IGSF23: variants seen among roughly 807,000 people sequenced by gnomAD.
IGSF23 encodes the protein immunoglobulin superfamily member 23, also known as immunoglobulin superfamily, member 23.
Under a neutral mutation model 17.8 loss-of-function variants are expected in IGSF23, and 14 were observed. The observed-to-expected ratio is 0.79, with a 90% confidence interval of 0.52 to 1.23. The LOEUF (loss-of-function observed/expected upper bound fraction) is 1.23, where lower values mean the gene tolerates loss of function less well. Ranked by LOEUF, IGSF23 falls within the 50% of genes most tolerant of loss-of-function variation. The pLI is 0.00. For synonymous variants in IGSF23, 85 were observed against 92.5 expected (o/e 0.92, Z 0.46); for missense variants, 214 against 241.7 (o/e 0.89, Z 0.76).
At chr19:44,624,922 A>C (rs920620642) in intron 2 of IGSF23, among the ~76,000 whole-genome samples, 1 of 143,412 alleles carries the variant, frequency 7.0e-6, no homozygotes, top group African/African-American at 2.5e-5. Flanking sequence ...AAAAAAAAAA[A>C]CTAAAAATTT....
intron 4 of IGSF23, among the ~76,000 whole-genome samples, chr19:44,635,897 A>C (rs1271779100): frequency 6.6e-6 from 1 of 152,204 alleles, no homozygotes; most frequent in African/African-American, 2.4e-5. Flanking sequence ...TTGCAATTTC[A>C]TGGGTCATCC....
At chr19:44,623,361 G>A (rs996196753) in intron 1 of IGSF23, among the ~76,000 whole-genome samples, 6 of 152,228 alleles carry the variant, frequency 3.9e-5, no homozygotes, top group Non-Finnish European at 7.3e-5. Context: ...AGAGGGAGCT[G>A]GGGAATTTAT....
chr19:44,615,071 C>A (rs563824928), intron 1 of IGSF23, among the ~76,000 whole-genome samples: 2 of 150,214 alleles, frequency 1.3e-5, no homozygotes, highest in Admixed American at 1.3e-4. Flanking sequence ...AGGCGGATCA[C>A]GAGGTCAGGA....
chr19:44,635,408 A>G lies in IGSF23; in HGVS notation c.553A>G (p.Arg185Gly), dbSNP rs1434550785. Residue 185 changes from arginine to glycine, a missense_variant, in exon 4 of 5, where the codon AGG becomes GGG. Arg to Gly is a moderately radical substitution (Grantham distance 125). Transcript: ENST00000402988. ...TCTCTCTCTCCACTGCAGGACTGAC[A>G]GGCAGAGAATAGGAATATGCAGCTG... ...FIIIQSLRTD[R>G]QRIGICS The G allele has an allele frequency of 1.3e-6, 2 of 1,547,858 alleles. No individual in the cohort carries two copies. Among genetic ancestry groups the G allele is most frequent in the Admixed American group, 2.0e-5 (1 of 50,952 alleles).
At chr19:44,631,620 G>C (rs1972768801) in intron 3 of IGSF23, among the ~76,000 whole-genome samples, 1 of 152,186 alleles carries the variant, frequency 6.6e-6, no homozygotes, top group Non-Finnish European at 1.5e-5. Flanking sequence ...TCAGAGCTGA[G>C]AGCCTCAAAC....
chr19:44,615,878 G>A (rs1404096125), intron 1 of IGSF23, among the ~76,000 whole-genome samples: 1 of 140,034 alleles, frequency 7.1e-6, no homozygotes, highest in Non-Finnish European at 1.5e-5. Context: ...ATGGAAACAC[G>A]GCATGCTGTG....
intron 1 of IGSF23, among the ~76,000 whole-genome samples, chr19:44,616,652 G>T (rs1305028836): frequency 5.0e-5 from 7 of 139,852 alleles, no homozygotes; most frequent in Admixed American, 7.8e-5. Context: ...AGCCGAGATT[G>T]CACCACTGCA....
rs548830386 is a variant in IGSF23 at position 44,623,965 on chromosome 19, G to A, written c.384G>A (p.Ser128=). The A allele has an allele frequency of 4.1e-4, 631 of 1,548,420 alleles. 1 individual carries two copies. Among genetic ancestry groups the A allele is most frequent in the South Asian group, 6.7e-4 (56 of 83,986 alleles). The change falls in exon 2 of 5, where the codon TCG becomes TCA. Residue 128 remains serine, a synonymous_variant. Transcript: ENST00000402988. Reference sequence around the variant, plus strand: ...TGGTCTCTGAGCCTGTAACCATCTCGCTGCCAAGTGAGTCCCCCATTCCAC... The same window carrying A: ...TGGTCTCTGAGCCTGTAACCATCTCACTGCCAAGTGAGTCCCCCATTCCAC... ...KQLVSEPVTI[S]LPKPIMQPTE...
chr19:44,625,063 T>G (rs1238388086), intron 2 of IGSF23, among the ~76,000 whole-genome samples: 2 of 151,734 alleles, frequency 1.3e-5, no homozygotes, highest in Non-Finnish European at 2.9e-5. Context: ...GATGACTGTC[T>G]CAAAAAAAAA....
At chr19:44,627,006 CAAGAGAGA>C (rs1332487773) in intron 2 of IGSF23, among the ~76,000 whole-genome samples, 2 of 151,040 alleles carry the variant, frequency 1.3e-5, no homozygotes, top group African/African-American at 4.9e-5. Flanking sequence ...GGCCTGGAGG[CAAGAGAGA>C]AAGAAAGGGA....
At position 44,623,949 on chromosome 19, in the gene IGSF23, A is replaced by G; in HGVS notation, c.368A>G (p.Glu123Gly). The change falls in exon 2 of 5, where the codon GAG becomes GGG. Residue 123 changes from glutamate (E) to glycine (G), a missense_variant. Physicochemically the swap from Glu to Gly is moderately conservative, Grantham distance 98. Transcript: ENST00000402988. The stretch of plus-strand genomic sequence containing the variant: ...AACAGCAAGAAACAGCTGGTCTCTG[A>G]GCCTGTAACCATCTCGCTGCCAAGT... ...ATNSKKQLVS[E>G]PVTISLPKPI... The G allele has an allele frequency of 6.4e-7, 1 of 1,550,448 alleles. No individual in the cohort carries two copies. The highest frequency in any genetic ancestry group is 2.4e-5 in the East Asian group (1 of 40,898).
rs1049351374 is a variant in IGSF23 at position 44,635,582 on chromosome 19, A to C, written c.*31+117A>C. 7.0e-6 allele frequency: 5 copies of C among 709,908 alleles called. No individual in the cohort carries two copies. The South Asian group carries it at 9.2e-5, about 13-fold the overall frequency. 44.0% of individuals were successfully genotyped at this position (709,908 alleles called of 1,614,324 possible). On this transcript the variant is annotated intron_variant, in intron 4 of 4. Coordinates refer to ENST00000402988, the MANE Select transcript of IGSF23 (RefSeq NM_001205280.2). ...GGTTCCCTGGTCATTTGTCTGTGAG[A>C]TGTTCCCCTCCTGTGGAGAGCTCCA...
chr19:44,632,299 T>C, intron 3 of IGSF23: 1 of 194,216 alleles, frequency 5.1e-6, no homozygotes, highest in East Asian at 1.8e-4. Flanking sequence ...ATAATTGTTC[T>C]CTGTGTCAGC....
chr19:44,628,759 T>A (rs1481227072), intron 3 of IGSF23, among the ~76,000 whole-genome samples: 1 of 151,846 alleles, frequency 6.6e-6, no homozygotes, highest in East Asian at 1.9e-4. Context: ...GTCAAAAAAG[T>A]AATAATAATA....
rs1599730989 is a variant in IGSF23 at position 44,619,073 on chromosome 19, C to A, written c.126-4634C>A. The stretch of plus-strand genomic sequence containing the variant: ...AGCATCTGCTCAGCTTCTAAGGAGC[C>A]CTCAGGGAGCTTTTAATCATAGCGA... On this transcript the variant is annotated intron_variant, in intron 1 of 4. Transcript: ENST00000402988. 2.0e-5 allele frequency among the ~76,000 whole-genome samples: 3 copies of A among 152,114 alleles called. No individual in the cohort carries two copies. The South Asian group carries it at 6.2e-4, about 32-fold the overall frequency.
chr19:44,623,674 T>C (rs1334904876), intron 1 of IGSF23, 33 bp from the exon 2 acceptor site: 76 of 1,546,726 alleles, frequency 4.9e-5, no homozygotes, highest in Non-Finnish European at 6.4e-5. Flanking sequence ...TGGACTCCAC[T>C]CTTGTGGCCT....
At chr19:44,616,097 A>G (rs1972369227) in intron 1 of IGSF23, among the ~76,000 whole-genome samples, 1 of 152,106 alleles carries the variant, frequency 6.6e-6, no homozygotes, top group Non-Finnish European at 1.5e-5. Context: ...TCTTGATAAC[A>G]GCAGGTACCT....
intron 1 of IGSF23, 47 bp from the exon 2 acceptor site, chr19:44,623,660 T>C: frequency 2.6e-6 from 4 of 1,529,000 alleles, no homozygotes; most frequent in Non-Finnish European, 3.5e-6. Flanking sequence ...CCAGCTTTTC[T>C]GAGTGGACTC....
chr19:44,627,660 T>C, intron 3 of IGSF23, 87 bp downstream of exon 3: 1 of 1,399,724 alleles, frequency 7.1e-7, no homozygotes, highest in Non-Finnish European at 9.6e-7. Context: ...GAAACAGAGA[T>C]GAAACCAACA....
Sources: allele counts gnomAD v4.1 joint callset (sites outside exome capture counted in the v4.1 genomes callset), GRCh38; gene constraint gnomAD v4.1.1; transcripts MANE v1.5; gene names NCBI Gene and HGNC (gene_info 2026-07-23, HGNC 2026-07-21).